Variants in AKT3 observed in about 807,000 individuals in gnomAD.
AKT3 encodes the protein AKT serine/threonine kinase 3, also known as RAC-gamma serine/threonine-protein kinase.
In AKT3, 15 loss-of-function variants were observed where a neutral mutation model predicts 65.3. That is an observed-to-expected ratio of 0.23 (90% CI 0.15 to 0.35). The LOEUF is 0.35. AKT3 is among the 10% of genes least tolerant of loss of function. AKT3 has a pLI of 1.00. For synonymous variants in AKT3, 206 were observed against 183.8 expected (o/e 1.12, Z -0.98); for missense variants, 243 against 576.5 (o/e 0.42, Z 5.92).
chr1:243,828,119 T>C (rs1694283040), intron 2 of AKT3, among the ~76,000 whole-genome samples: 1 of 152,102 alleles, frequency 6.6e-6, no homozygotes, highest in Non-Finnish European at 1.5e-5. Context: ...ATCCCGACTG[T>C]CTATATAGAA....
intron 12 of AKT3, among the ~76,000 whole-genome samples, chr1:243,529,091 T>C (rs1205459061): frequency 1.3e-5 from 2 of 152,116 alleles, no homozygotes; most frequent in Non-Finnish European, 2.9e-5. Flanking sequence ...GTTGGCCACA[T>C]GTATGTCTTC....
chr1:243,491,640 C>T (rs1666439336), intron 13 of AKT3, among the ~76,000 whole-genome samples: 1 of 152,208 alleles, frequency 6.6e-6, no homozygotes, highest in South Asian at 2.1e-4. Flanking sequence ...TCTGCGATGC[C>T]TTCTTGTCAT....
intron 8 of AKT3, among the ~76,000 whole-genome samples, chr1:243,582,561 G>A (rs900103891): frequency 6.6e-6 from 1 of 151,410 alleles, no homozygotes; most frequent in African/African-American, 2.4e-5. Flanking sequence ...CAAGCACAAA[G>A]GAATTTGTTA....
chr1:243,760,231 A>G (rs1387841600), intron 2 of AKT3, among the ~76,000 whole-genome samples: 1 of 145,952 alleles, frequency 6.9e-6, no homozygotes, highest in Non-Finnish European at 1.5e-5. Flanking sequence ...GCATCCTCCT[A>G]TCTCAGCCTC....
chr1:243,763,422 A>C (rs973504886), intron 2 of AKT3, among the ~76,000 whole-genome samples: 3 of 152,094 alleles, frequency 2.0e-5, no homozygotes, highest in African/African-American at 7.2e-5. Flanking sequence ...AATCACTTGG[A>C]AGTTCACCTT....
At position 243,842,980 on chromosome 1, in the gene AKT3, A is replaced by C. The variant is rs191388998; in HGVS notation, c.46+145T>G. On this transcript the variant is annotated intron_variant, in intron 2 of 13. Coordinates refer to ENST00000673466, the MANE Select transcript of AKT3 (RefSeq NM_005465.7). Reference sequence around the variant, plus strand: ...ATCCCTTAATAACAAGCAAATTCCTAACACACGTTAAATATATCATTTCTC... The same window carrying C: ...ATCCCTTAATAACAAGCAAATTCCTCACACACGTTAAATATATCATTTCTC... The C allele has an allele frequency of 5.9e-4, 497 of 838,456 alleles. 4 individuals are homozygous for C. The African/African-American group carries it at 7.8e-3, about 13-fold the overall frequency. 51.9% of individuals were successfully genotyped at this position (838,456 alleles called of 1,614,324 possible).
At position 243,517,400 on chromosome 1, in the gene AKT3, A is replaced by G. The variant is rs186531447; in HGVS notation, c.1252-4974T>C. ...TCCAATTGCTGTATCAATTATTTGA[A>G]GATGGATATTGAACTGTCCAATAGT... On this transcript the variant is annotated intron_variant, in intron 12 of 13. Transcript: ENST00000673466. Among the ~76,000 whole-genome samples, 246 of 152,338 alleles carry G rather than the reference A, an allele frequency of 1.6e-3. 1 individual carries two copies. The highest frequency in any genetic ancestry group is 3.4e-3 in the Middle Eastern group (1 of 294).
At chr1:243,537,622 C>T (rs1672020371) in intron 12 of AKT3, among the ~76,000 whole-genome samples, 1 of 152,204 alleles carries the variant, frequency 6.6e-6, no homozygotes, top group Non-Finnish European at 1.5e-5. Flanking sequence ...AGGCTCTTCT[C>T]CATAAGAGTC....
intron 12 of AKT3, among the ~76,000 whole-genome samples, chr1:243,527,922 CACACACACACACACAGAGAGAGAG>C (rs1671257081): frequency 2.2e-5 from 2 of 89,774 alleles, no homozygotes; most frequent in African/African-American, 9.3e-5. Flanking sequence ...CACACACACA[CACACACACACACACAGAGAGAGAG>C]AGAGAGAGAG....
At position 243,563,770 on chromosome 1, in the gene AKT3, C is replaced by T. The variant is rs773474217; in HGVS notation, c.898G>A (p.Ala300Thr). ...CCACAGAATGTCTTCATGGTGGCTG[C>T]ATCTGTGATCCCTTCTTTGCAAAGT... is the stretch of plus-strand genomic sequence containing the variant. Reference protein sequence around the residue: ...FGLCKEGITDAATMKTFCGTP... With the variant: ...FGLCKEGITDTATMKTFCGTP... Residue 300 changes from alanine (A) to threonine (T), a missense_variant, in exon 10 of 14, where the codon GCA becomes ACA. Ala to Thr is a moderately conservative substitution (Grantham distance 58). Around this residue, in one of 6 missense-constraint regions of AKT3, gnomAD observed 4 missense variants for 59.9 expected, o/e 0.07. Coordinates refer to ENST00000673466, the MANE Select transcript of AKT3 (RefSeq NM_005465.7). 8 of 1,613,078 alleles carry T rather than the reference C, an allele frequency of 5.0e-6. No individual in the cohort carries two copies. The Admixed American group carries it at 5.0e-5, about 10-fold the overall frequency.
intron 1 of AKT3, among the ~76,000 whole-genome samples, chr1:243,845,221 G>A (rs1005672489): frequency 2.0e-5 from 3 of 151,670 alleles, no homozygotes; most frequent in African/African-American, 7.3e-5. Flanking sequence ...AAGCTATGTA[G>A]CTGAATGCAA....
chr1:243,784,775 C>T (rs975608518), intron 2 of AKT3, among the ~76,000 whole-genome samples: 2 of 152,210 alleles, frequency 1.3e-5, no homozygotes, highest in Admixed American at 6.5e-5. Context: ...CTGGCCTTCA[C>T]GGCCTCCTGT....
Position 243,505,219 on chromosome 1 carries a change from A to T in AKT3, c.*30T>A. 6.3e-7 allele frequency: 1 copy of T among 1,575,346 alleles called. No individual in the cohort carries two copies. The highest frequency in any genetic ancestry group is 8.7e-7 in the Non-Finnish European group (1 of 1,144,986). ...AATCATTTTCAGTAATAAATTGAAG[A>T]TGACAGTGAAGTAGCAGAATGAAAG... On this transcript the variant is annotated 3_prime_UTR_variant, in exon 14 of 14. Coordinates refer to ENST00000673466, the MANE Select transcript of AKT3 (RefSeq NM_005465.7).
At chr1:243,650,546 C>T (rs1681228423) in intron 4 of AKT3, among the ~76,000 whole-genome samples, 1 of 152,118 alleles carries the variant, frequency 6.6e-6, no homozygotes, top group South Asian at 2.1e-4. Context: ...TTAGGTCTTA[C>T]ATTTAAGTCT....
intron 2 of AKT3, among the ~76,000 whole-genome samples, chr1:243,764,139 G>A (rs1267010613): frequency 2.6e-5 from 4 of 152,024 alleles, no homozygotes; most frequent in African/African-American, 4.8e-5. Context: ...CATCTAAGTC[G>A]CTACTTTATG....
At chr1:243,665,874 T>C (rs1188648699) in intron 3 of AKT3, among the ~76,000 whole-genome samples, 1 of 152,144 alleles carries the variant, frequency 6.6e-6, no homozygotes, top group East Asian at 1.9e-4. Context: ...AAGAAACTAA[T>C]TTATCTCCGT....
intron 2 of AKT3, among the ~76,000 whole-genome samples, chr1:243,714,854 G>T (rs1686404447): frequency 6.6e-6 from 1 of 152,112 alleles, no homozygotes; most frequent in Non-Finnish European, 1.5e-5. Context: ...TAGGGAACAA[G>T]ATTAGTTTAA....
At chr1:243,535,719 C>A (rs1219846860) in intron 12 of AKT3, among the ~76,000 whole-genome samples, 1 of 152,044 alleles carries the variant, frequency 6.6e-6, no homozygotes, top group African/African-American at 2.4e-5. Flanking sequence ...TATAGAATGA[C>A]TTCCTTTGTG....
At chr1:243,569,163 C>T (rs1030788936) in intron 9 of AKT3, among the ~76,000 whole-genome samples, 10 of 152,226 alleles carry the variant, frequency 6.6e-5, no homozygotes, top group South Asian at 2.1e-4. Flanking sequence ...TTTAAGTTTA[C>T]GGGCATCCAG....
Sources: allele counts gnomAD v4.1 joint callset (sites outside exome capture counted in the v4.1 genomes callset), GRCh38; gene constraint gnomAD v4.1.1; regional missense constraint gnomAD v4.1.1; transcripts MANE v1.5; gene names NCBI Gene and HGNC (gene_info 2026-07-23, HGNC 2026-07-21).